Variants in PCDHGB1 observed in about 807,000 individuals in gnomAD.
PCDHGB1 encodes the protein protocadherin gamma subfamily B, 1, also known as protocadherin gamma-B1.
Under a neutral mutation model 56.6 loss-of-function variants are expected in PCDHGB1, and 34 were observed. The observed-to-expected ratio is 0.60, with a 90% CI of 0.46 to 0.80. PCDHGB1 has a LOEUF of 0.80. PCDHGB1 is among the 30% of genes least tolerant of loss of function. The pLI is 0.00. For synonymous variants in PCDHGB1, 561 were observed against 505.9 expected (o/e 1.11, Z -1.46); for missense variants, 1,278 against 1,204.6 (o/e 1.06, Z -0.90).
Position 141,485,804 on chromosome 5 carries a change from G to A in PCDHGB1, c.2410-9003G>A. 6.2e-7 allele frequency: 1 copy of A among 1,614,218 alleles called. No individual in the cohort carries two copies. On this transcript the variant is annotated intron_variant, in intron 1 of 3. Coordinates refer to ENST00000523390, the MANE Select transcript of PCDHGB1 (RefSeq NM_018922.3). This position sits in a 1 kb window ranked among gnomAD's most constrained non-coding sequence, Gnocchi z 5.7. The stretch of plus-strand genomic sequence containing the variant: ...AGAGAAGCAATCGGACTACCGCCTG[G>A]TGCTGACTGCTGTCGATGGAGGGAA...
At position 141,393,612 on chromosome 5, in the gene PCDHGB1, A is replaced by G. The variant is rs1171689277; in HGVS notation, c.2409+40943A>G. Reference sequence around the variant, plus strand: ...CACGCGGCTGCTTACTGTAACAGCCAGCGACCCGGATGAGGGAATCAACGG... The same window carrying G: ...CACGCGGCTGCTTACTGTAACAGCCGGCGACCCGGATGAGGGAATCAACGG... On this transcript the variant is annotated intron_variant, in intron 1 of 3. Coordinates refer to ENST00000523390, the MANE Select transcript of PCDHGB1 (RefSeq NM_018922.3). 6.2e-7 allele frequency: 1 copy of G among 1,613,840 alleles called. No homozygotes were observed. Among genetic ancestry groups the G allele is most frequent in the Non-Finnish European group, 8.5e-7 (1 of 1,179,908 alleles).
In PCDHGB1 at chr5:141,477,798, A is replaced by G; in HGVS notation, c.2410-17009A>G. On this transcript the variant is annotated intron_variant, in intron 1 of 3. Transcript: ENST00000523390. The surrounding 1 kb of genome is among the most constrained non-coding windows in gnomAD (Gnocchi z 4.9). ...GTGAACATATTTGTCACTGATCGCA[A>G]TGACAATGCCCCCCAGGTCCTATAT... The G allele has an allele frequency of 6.2e-7, 1 of 1,614,140 alleles. No homozygotes were observed. The highest frequency in any genetic ancestry group is 8.5e-7 in the Non-Finnish European group (1 of 1,180,038).
At chr5:141,509,040 C>G (rs1217864661) in intron 3 of PCDHGB1, among the ~76,000 whole-genome samples, 1 of 152,132 alleles carries the variant, frequency 6.6e-6, no homozygotes, top group Non-Finnish European at 1.5e-5. Context: ...CAACCCCTCT[C>G]CCCCGCCCCC....
chr5:141,356,544 C>T (rs1379165574), intron 1 of PCDHGB1: 1 of 1,614,126 alleles, frequency 6.2e-7, no homozygotes. Flanking sequence ...TCAATGACAA[C>T]CCACCCACTT....
At chr5:141,422,789 TC>T (rs1561803924) in intron 1 of PCDHGB1, 44 of 1,614,158 alleles carry the variant, frequency 2.7e-5, no homozygotes, top group Non-Finnish European at 3.6e-5. Context: ...CTACAATCCT[TC>T]GACTATGAGC....
rs1201053334 is a variant in PCDHGB1, at chr5:141,352,198, A to T, written c.1938A>T (p.Gly646=). 6.2e-7 allele frequency: 1 copy of T among 1,613,830 alleles called. No individual in the cohort carries two copies. The highest frequency in any genetic ancestry group is 8.5e-7 in the Non-Finnish European group (1 of 1,179,872). ...TGCTGGTCGCTGTGCGTGATGGAGG[A>T]CAGCCGCCACTCTCCGCCACCGCCA... is the stretch of plus-strand genomic sequence containing the variant. The part of the protein sequence containing the change: ...QRLLVAVRDG[G]QPPLSATATL... Residue 646 remains glycine (G), a synonymous_variant, in exon 1 of 4, where the codon GGA becomes GGT. Coordinates refer to ENST00000523390, the MANE Select transcript of PCDHGB1 (RefSeq NM_018922.3).
chr5:141,478,671 A>G (rs996413401), intron 1 of PCDHGB1: 19 of 1,551,538 alleles, frequency 1.2e-5, no homozygotes, highest in Non-Finnish European at 1.7e-5. Context: ...TCACACTTTC[A>G]ACTGGCCCTT....
intron 1 of PCDHGB1, chr5:141,375,325 G>T: frequency 6.2e-7 from 1 of 1,613,768 alleles, no homozygotes; most frequent in Non-Finnish European, 8.5e-7. Context: ...ACCGGGAAGA[G>T]GTATTCTTGT....
chr5:141,492,460 G>T (rs2099740851), intron 1 of PCDHGB1, among the ~76,000 whole-genome samples: 1 of 152,218 alleles, frequency 6.6e-6, no homozygotes, highest in African/African-American at 2.4e-5. Flanking sequence ...GCGCGCCTGA[G>T]GGTCCCAGAT....
chr5:141,389,270 C>A, intron 1 of PCDHGB1: 1 of 1,614,004 alleles, frequency 6.2e-7, no homozygotes, highest in Non-Finnish European at 8.5e-7. Flanking sequence ...TGGCCGAGAA[C>A]AACCCGCCTG....
At chr5:141,473,750 G>A (rs777343462) in intron 1 of PCDHGB1, among the ~76,000 whole-genome samples, 3 of 152,192 alleles carry the variant, frequency 2.0e-5, no homozygotes, top group Non-Finnish European at 4.4e-5. Context: ...TGAGAACTTG[G>A]ATACTATGCA....
intron 1 of PCDHGB1, chr5:141,478,819 C>G (rs927315523): frequency 2.1e-6 from 3 of 1,447,842 alleles, no homozygotes; most frequent in Non-Finnish European, 2.7e-6. Context: ...CACAACTAAC[C>G]AATCTTGCTA....
At chr5:141,388,835 G>T in intron 1 of PCDHGB1, 1 of 1,613,946 alleles carries the variant, frequency 6.2e-7, no homozygotes, top group South Asian at 1.1e-5. Flanking sequence ...CCATAGTTTT[G>T]GAAGCAAGGG....
At chr5:141,417,866 G>C (rs1299960512) in intron 1 of PCDHGB1, 1 of 1,552,408 alleles carries the variant, frequency 6.4e-7, no homozygotes, top group African/African-American at 1.4e-5. Context: ...AACGATGGGA[G>C]GGAGCTGCGC....
intron 1 of PCDHGB1, chr5:141,403,394 C>A: frequency 6.2e-7 from 1 of 1,614,054 alleles, no homozygotes; most frequent in South Asian, 1.1e-5. Flanking sequence ...AATCGCGGTT[C>A]CTGGAGCACG....
chr5:141,510,862 C>CATTCA, intron 3 of PCDHGB1, 85 bp from the exon 4 acceptor site: 1 of 1,606,772 alleles, frequency 6.2e-7, no homozygotes, highest in South Asian at 1.1e-5. Flanking sequence ...GCTGTATAGG[C>CATTCA]ATTCATTAAC....
chr5:141,374,004 G>A (rs1770021331), intron 1 of PCDHGB1: 3 of 1,327,578 alleles, frequency 2.3e-6, no homozygotes, highest in African/African-American at 1.5e-5. Flanking sequence ...GACCTTCACC[G>A]CTATTTCTGA....
At chr5:141,414,567 T>C in intron 1 of PCDHGB1, 1 of 1,613,962 alleles carries the variant, frequency 6.2e-7, no homozygotes, top group Non-Finnish European at 8.5e-7. Context: ...ACTTTACCTA[T>C]ATCCCAGAGA....
intron 1 of PCDHGB1, chr5:141,415,073 C>G: frequency 1.9e-6 from 3 of 1,613,434 alleles, no homozygotes; most frequent in Non-Finnish European, 2.5e-6. Flanking sequence ...GTGCGCACGG[C>G]GCGAGCCCTG....
Sources: allele counts gnomAD v4.1 joint callset (sites outside exome capture counted in the v4.1 genomes callset), GRCh38; gene constraint gnomAD v4.1.1; non-coding constraint Gnocchi (gnomAD v3.1); transcripts MANE v1.5; gene names NCBI Gene and HGNC (gene_info 2026-07-23, HGNC 2026-07-21).